Variants in MAST2 observed in about 807,000 individuals in gnomAD.
MAST2 encodes microtubule associated serine/threonine kinase 2, also known as microtubule-associated serine/threonine-protein kinase 2.
MAST2 carries 70 observed loss-of-function variants against 147.4 expected under a neutral mutation model. That is an observed-to-expected ratio of 0.47 (90% CI 0.39 to 0.58). The LOEUF (loss-of-function observed/expected upper bound fraction) is 0.58. Among genes scored for constraint, MAST2 ranks in the 20% least tolerant of loss-of-function variants. The pLI is 0.00. For synonymous variants in MAST2, 869 were observed against 896.8 expected (o/e 0.97, Z 0.55); for missense variants, 2,080 against 2,302.3 (o/e 0.90, Z 1.98).
At chr1:45,954,116 A>G (rs1486049293) in intron 4 of MAST2, among the ~76,000 whole-genome samples, 1 of 152,200 alleles carries the variant, frequency 6.6e-6, no homozygotes, top group African/African-American at 2.4e-5. Flanking sequence ...AGTACTATCC[A>G]GTCACGGAGT....
chr1:45,924,827 A>T (rs929923686), intron 4 of MAST2, among the ~76,000 whole-genome samples: 1 of 152,124 alleles, frequency 6.6e-6, no homozygotes, highest in African/African-American at 2.4e-5. Context: ...AGAAGAGGGG[A>T]TTAGGACACA....
intron 6 of MAST2, chr1:46,001,073 G>A: frequency 1.0e-6 from 1 of 1,003,004 alleles, no homozygotes; most frequent in Non-Finnish European, 1.4e-6. Flanking sequence ...AAAACTGGTT[G>A]TGATGATTCT....
intron 3 of MAST2, among the ~76,000 whole-genome samples, chr1:45,833,723 T>G (rs1645025970): frequency 6.6e-6 from 1 of 152,212 alleles, no homozygotes; most frequent in African/African-American, 2.4e-5. Context: ...TTTGTTTGTC[T>G]TCTTTGAAGA....
At position 46,032,382 on chromosome 1, in the gene MAST2, A is replaced by G; in HGVS notation, c.3392A>G (p.Tyr1131Cys). The G allele has an allele frequency of 6.2e-7, 1 of 1,614,170 alleles. No individual in the cohort carries two copies. The highest frequency in any genetic ancestry group is 8.5e-7 in the Non-Finnish European group (1 of 1,180,022). ...IRVYMGDSDV[Y>C]TVHHMVWHVE... ...GTCTACATGGGTGACTCCGATGTCT[A>G]CACCGTGCACCATATGGTGTGGGTA... The change falls in exon 25 of 29, where the codon TAC becomes TGC. Residue 1131 changes from tyrosine (Y) to cysteine (C), a missense_variant. By Grantham distance (194) the Tyr-to-Cys change is radical (BLOSUM62 -2). This residue lies in a region of MAST2 where 1,278 missense variants were observed against 1,304.2 expected (regional missense o/e 0.98). Transcript: ENST00000361297.
intron 1 of MAST2, among the ~76,000 whole-genome samples, chr1:45,815,239 G>A (rs182134763): frequency 1.3e-4 from 19 of 149,636 alleles, no homozygotes; most frequent in South Asian, 4.2e-4. Context: ...GCGTGATCTC[G>A]GTTCACTGCA....
chr1:45,870,486 A>G (rs948180764), intron 3 of MAST2, among the ~76,000 whole-genome samples: 1 of 149,642 alleles, frequency 6.7e-6, no homozygotes, highest in Non-Finnish European at 1.5e-5. Flanking sequence ...CATTTTGTTT[A>G]TTTTGTTATT....
chr1:45,849,771 C>G (rs1645565196), intron 3 of MAST2, among the ~76,000 whole-genome samples: 1 of 152,178 alleles, frequency 6.6e-6, no homozygotes, highest in Non-Finnish European at 1.5e-5. Context: ...CGTGATCTGC[C>G]TGCCTCAGCC....
At position 45,999,150 on chromosome 1, in the gene MAST2, T is replaced by C. The variant is rs556940063; in HGVS notation, c.668+1351T>C. The stretch of plus-strand genomic sequence containing the variant: ...AATCCATCCTCTTTCCAGGATTCTT[T>C]GCAGCTGAAAAGAACATGAACAGGT... On this transcript the variant is annotated intron_variant, in intron 6 of 28. Coordinates refer to ENST00000361297, the MANE Select transcript of MAST2 (RefSeq NM_015112.3). Among the ~76,000 whole-genome samples, 12 of 152,384 alleles carry C rather than the reference T, an allele frequency of 7.9e-5. No homozygotes were observed. In the East Asian group the frequency reaches 2.3e-3, roughly 29 times the overall value.
chr1:45,882,625 C>T (rs958803159), intron 4 of MAST2, among the ~76,000 whole-genome samples: 1 of 152,206 alleles, frequency 6.6e-6, no homozygotes, highest in Non-Finnish European at 1.5e-5. Context: ...TCAGTTTCTA[C>T]ATAGCATTCT....
intron 5 of MAST2, among the ~76,000 whole-genome samples, chr1:45,985,406 A>G (rs773955262): frequency 2.0e-5 from 3 of 152,110 alleles, no homozygotes; most frequent in Non-Finnish European, 2.9e-5. Context: ...CTTTCGACCT[A>G]TGTATACACA....
At chr1:45,882,323 A>G (rs1294654247) in intron 3 of MAST2, 41 bp from the exon 4 acceptor site, 1 of 1,513,068 alleles carries the variant, frequency 6.6e-7, no homozygotes, top group East Asian at 2.3e-5. Context: ...CAGGACTCAG[A>G]TGGGTTCTTA....
intron 5 of MAST2, among the ~76,000 whole-genome samples, chr1:45,965,400 G>C (rs1200260418): frequency 6.6e-6 from 1 of 152,104 alleles, no homozygotes; most frequent in Non-Finnish European, 1.5e-5. Flanking sequence ...TTATGAATCT[G>C]GGTGCTCCTG....
chr1:45,884,929 G>A (rs747344605), intron 4 of MAST2, among the ~76,000 whole-genome samples: 16 of 152,162 alleles, frequency 1.1e-4, no homozygotes, highest in Non-Finnish European at 1.6e-4. Context: ...AAGTTCCATG[G>A]TACCTCTTGT....
intron 4 of MAST2, among the ~76,000 whole-genome samples, chr1:45,900,799 A>G (rs998691355): frequency 6.6e-6 from 1 of 152,048 alleles, no homozygotes; most frequent in East Asian, 1.9e-4. Flanking sequence ...TTTGTTGGTC[A>G]CTTGTCTTCT....
intron 4 of MAST2, among the ~76,000 whole-genome samples, chr1:45,905,259 C>T (rs560568225): frequency 2.6e-5 from 4 of 151,586 alleles, no homozygotes; most frequent in Admixed American, 2.6e-4. Context: ...TCACTGCAAC[C>T]TCCACCTCCC....
intron 10 of MAST2, among the ~76,000 whole-genome samples, chr1:46,013,706 GAC>G (rs1645812881): frequency 6.6e-6 from 1 of 150,910 alleles, no homozygotes; most frequent in Non-Finnish European, 1.5e-5. Flanking sequence ...AAAAGAAAAA[GAC>G]ACAGAGCCTC....
intron 5 of MAST2, among the ~76,000 whole-genome samples, chr1:45,995,802 G>T (rs903497877): frequency 1.3e-5 from 2 of 152,146 alleles, no homozygotes; most frequent in Non-Finnish European, 2.9e-5. Context: ...GAGATTCTCA[G>T]ATACTCTCTG....
Position 46,036,063 on chromosome 1 carries a change from A to G in MAST2, c.5394A>G (p.Thr1798=). ...TTCCAGATGAGCTTTTAAAGCAAAC[A>G]TAGCAGTTGTTTGCCATTTCTTGCA... ...ALVPDELLKQ[T] is the part of the protein sequence containing the mutation. The change falls in exon 29 of 29, where the codon ACA becomes ACG. Residue 1798 remains threonine, a synonymous_variant. Coordinates refer to ENST00000361297, the MANE Select transcript of MAST2 (RefSeq NM_015112.3). 1.3e-6 allele frequency: 2 copies of G among 1,599,294 alleles called. No homozygotes were observed. Among genetic ancestry groups the G allele is most frequent in the Non-Finnish European group, 1.7e-6 (2 of 1,172,290 alleles).
rs368777720 is a variant in MAST2, at chr1:45,917,379, A to G, written c.500+34984A>G. Reference sequence around the variant, plus strand: ...CCGAGGAGCTGAAGTAAACCAGCACATGTTTTCACCCACATCTGCTCCAGC... The same window carrying G: ...CCGAGGAGCTGAAGTAAACCAGCACGTGTTTTCACCCACATCTGCTCCAGC... On this transcript the variant is annotated intron_variant, in intron 4 of 28. Coordinates refer to ENST00000361297, the MANE Select transcript of MAST2 (RefSeq NM_015112.3). 1.8e-5 allele frequency: 24 copies of G among 1,366,530 alleles called. No individual in the cohort carries two copies. The African/African-American group carries it at 2.2e-4, about 13-fold the overall frequency. The allele number at this position is 1,366,530 out of a possible 1,614,324, so 84.7% of individuals were successfully genotyped here. A position where few individuals can be genotyped will look rare whatever the true frequency, so the allele number is the denominator to read the frequency against.
Sources: allele counts gnomAD v4.1 joint callset (sites outside exome capture counted in the v4.1 genomes callset), GRCh38; gene constraint gnomAD v4.1.1; regional missense constraint gnomAD v4.1.1; transcripts MANE v1.5; gene names NCBI Gene and HGNC (gene_info 2026-07-23, HGNC 2026-07-21).